Variants in ABLIM1 observed in about 807,000 individuals in gnomAD.
The protein encoded by ABLIM1 is actin binding LIM protein 1.
ABLIM1 carries 40 observed loss-of-function variants against 107.0 expected under a neutral mutation model. The observed-to-expected ratio is 0.37, with a 90% confidence interval of 0.29 to 0.49. The LOEUF (loss-of-function observed/expected upper bound fraction) is 0.49. Ranked by LOEUF, ABLIM1 falls within the 20% of genes least tolerant of loss-of-function variation. The pLI, the probability that ABLIM1 is intolerant of heterozygous loss-of-function variation, is 0.97. For missense variants in ABLIM1, 857 were observed against 1,008.5 expected, an observed-to-expected ratio of 0.85 and a Z score of 2.04; for synonymous variants, 357 against 357.3, an observed-to-expected ratio of 1.00 and a Z score of 0.01.
chr10:114,691,511 A>T (rs912074266), intron 1 of ABLIM1, among the ~76,000 whole-genome samples: 3 of 152,156 alleles, frequency 2.0e-5, no homozygotes, highest in African/African-American at 7.2e-5. Flanking sequence ...GAGGATTAAA[A>T]TGCATGCTGT....
rs2076041427 is a variant in ABLIM1 at position 114,601,933 on chromosome 10, T to C, written c.273A>G (p.Pro91=). ...GGCAGTGAATGACAGGCTTCTCTGATGGGTGGTGAGGGTCCTGAGGGTGGG... is the reference window on the plus strand; with the variant it reads ...GGCAGTGAATGACAGGCTTCTCTGACGGGTGGTGAGGGTCCTGAGGGTGGG... The part of the protein sequence containing the change: ...FVAHPQDPHH[P]SEKPVIHCHK... The change falls in exon 2 of 23, where the codon CCA becomes CCG. Residue 91 remains proline (P), a synonymous_variant. Transcript: ENST00000533213. 1 of 1,614,140 alleles carries C rather than the reference T, an allele frequency of 6.2e-7. No individual in the cohort carries two copies. Among genetic ancestry groups the C allele is most frequent in the Non-Finnish European group, 8.5e-7 (1 of 1,180,030 alleles).
At chr10:114,613,116 G>A (rs1442481704) in intron 1 of ABLIM1, among the ~76,000 whole-genome samples, 1 of 152,098 alleles carries the variant, frequency 6.6e-6, no homozygotes, top group Non-Finnish European at 1.5e-5. Flanking sequence ...CTTAAAAACA[G>A]CATTTCAAAC....
At chr10:114,464,821 C>T (rs1012149159) in intron 12 of ABLIM1, among the ~76,000 whole-genome samples, 2 of 152,130 alleles carry the variant, frequency 1.3e-5, no homozygotes, top group African/African-American at 4.8e-5. Context: ...CTCATCTATG[C>T]GTCCAGAAGC....
chr10:114,490,803 T>C (rs1370397895), intron 7 of ABLIM1, among the ~76,000 whole-genome samples: 1 of 151,000 alleles, frequency 6.6e-6, no homozygotes, highest in Non-Finnish European at 1.5e-5. Flanking sequence ...TATATATATA[T>C]GTATGCTTAT....
chr10:114,469,005 T>C (rs1380086052), intron 10 of ABLIM1, among the ~76,000 whole-genome samples: 1 of 127,020 alleles, frequency 7.9e-6, no homozygotes, highest in Non-Finnish European at 1.5e-5. Flanking sequence ...TGAGCCGAGA[T>C]CACGCCACTG....
intron 1 of ABLIM1, among the ~76,000 whole-genome samples, chr10:114,759,554 T>C (rs991468215): frequency 6.6e-6 from 1 of 152,234 alleles, no homozygotes; most frequent in African/African-American, 2.4e-5. Context: ...TGCTAAACGC[T>C]GTTAGTCTCT....
intron 8 of ABLIM1, among the ~76,000 whole-genome samples, chr10:114,479,470 C>T (rs554699959): frequency 2.0e-5 from 3 of 152,170 alleles, no homozygotes; most frequent in Non-Finnish European, 4.4e-5. Context: ...ATAGCCTTCC[C>T]CTCCTTGAGA....
At chr10:114,590,668 C>G (rs1337595996) in intron 2 of ABLIM1, among the ~76,000 whole-genome samples, 1 of 152,048 alleles carries the variant, frequency 6.6e-6, no homozygotes, top group Non-Finnish European at 1.5e-5. Context: ...TGTAAATACT[C>G]TCTCCTGGAA....
At chr10:114,518,122 C>T (rs2063180605) in intron 6 of ABLIM1, among the ~76,000 whole-genome samples, 1 of 152,070 alleles carries the variant, frequency 6.6e-6, no homozygotes, top group African/African-American at 2.4e-5. Context: ...ATAAAACGGT[C>T]CTATTTGTAT....
At chr10:114,735,744 A>G (rs757973402) in intron 1 of ABLIM1, among the ~76,000 whole-genome samples, 6 of 152,216 alleles carry the variant, frequency 3.9e-5, no homozygotes, top group Non-Finnish European at 8.8e-5. Context: ...CTGGGATTAC[A>G]GGCGTGAGCC....
chr10:114,499,784 A>G (rs1461071611), intron 6 of ABLIM1, among the ~76,000 whole-genome samples: 2 of 152,348 alleles, frequency 1.3e-5, no homozygotes, highest in Non-Finnish European at 2.9e-5. Flanking sequence ...CATGGGCGGA[A>G]GGGAGAGGCA....
intron 5 of ABLIM1, 32 bp downstream of exon 5, chr10:114,547,618 T>C (rs756435448): frequency 3.5e-5 from 56 of 1,611,946 alleles, no homozygotes; most frequent in Non-Finnish European, 4.4e-5. Context: ...CGGTGCCCAC[T>C]GAAAGGAACG....
chr10:114,688,179 C>T (rs1020670406), upstream of ABLIM1, among the ~76,000 whole-genome samples: 12 of 152,178 alleles, frequency 7.9e-5, no homozygotes, highest in South Asian at 2.1e-4. Flanking sequence ...CTACGTCCTC[C>T]GTGCTAATAT....
chr10:114,711,971 G>A (rs2081558541), intron 1 of ABLIM1, among the ~76,000 whole-genome samples: 1 of 152,196 alleles, frequency 6.6e-6, no homozygotes. Context: ...GCAAAGGGTG[G>A]AGAATGGAAT....
At chr10:114,654,265 A>G (rs1182125633) in intron 1 of ABLIM1, among the ~76,000 whole-genome samples, 1 of 152,218 alleles carries the variant, frequency 6.6e-6, no homozygotes, top group Admixed American at 6.5e-5. Flanking sequence ...GAAGGCAAAC[A>G]ATAGAAATTA....
chr10:114,702,925 A>C lies in ABLIM1; in HGVS notation c.-213+65136T>G, dbSNP rs1004196724. ...GAAGCTCTCAAATGTTCTTAAAAAG[A>C]AAAATATTTAAATAATTATTTTATT... On this transcript the variant is annotated intron_variant, in intron 1 of 15. Coordinates refer to the ABLIM1 transcript ENST00000651092. 2.0e-5 allele frequency among the ~76,000 whole-genome samples: 3 copies of C among 152,192 alleles called. No individual in the cohort carries two copies. The East Asian group carries it at 5.8e-4, about 29-fold the overall frequency.
At chr10:114,651,656 G>A (rs897149829) in intron 1 of ABLIM1, among the ~76,000 whole-genome samples, 1 of 152,066 alleles carries the variant, frequency 6.6e-6, no homozygotes, top group Non-Finnish European at 1.5e-5. Flanking sequence ...GAAGCCTAGG[G>A]AATTGAAAAG....
At chr10:114,607,414 C>T (rs911945579) in intron 1 of ABLIM1, among the ~76,000 whole-genome samples, 3 of 152,168 alleles carry the variant, frequency 2.0e-5, no homozygotes, top group Non-Finnish European at 4.4e-5. Flanking sequence ...CAAGGAGGTG[C>T]AGCCTAACTC....
chr10:114,491,320 C>A (rs1216641567), intron 7 of ABLIM1, among the ~76,000 whole-genome samples: 1 of 151,888 alleles, frequency 6.6e-6, no homozygotes, highest in African/African-American at 2.4e-5. Context: ...ATGAGATTTT[C>A]TTTTTGAAAA....
Sources: gnomAD v4.1 joint callset for allele counts (sites outside exome capture counted in the v4.1 genomes callset) on GRCh38, gnomAD v4.1.1 for gene constraint, MANE v1.5 for transcripts, NCBI Gene and HGNC (gene_info 2026-07-23, HGNC 2026-07-21) for gene names.